The following NOC3L variants were observed in gnomAD, a reference collection of about 807,000 sequenced individuals.
NOC3L encodes nucleolar complex protein 3 homolog.
In NOC3L, 85 loss-of-function variants were observed where a neutral mutation model predicts 102.5. The observed-to-expected ratio is 0.83, with a 90% CI of 0.70 to 0.99. The LOEUF (loss-of-function observed/expected upper bound fraction) is 0.99. Among genes scored for constraint, NOC3L ranks in the 50% least tolerant of loss-of-function variants. NOC3L has a pLI of 0.00. For synonymous variants in NOC3L, 303 were observed against 309.4 expected (o/e 0.98, Z 0.22); for missense variants, 878 against 914.9 (o/e 0.96, Z 0.52).
At chr10:94,332,897 T>C (rs1589561312), downstream of NOC3L, 1 of 152,226 alleles carries the variant, frequency 6.6e-6, no homozygotes, top group East Asian at 1.9e-4. Context: ...TCCTGGACTT[T>C]GTTTTATACC....
rs1343891975 is a variant in NOC3L, at chr10:94,339,868, T to C, written c.1833A>G (p.Leu611=). ...EIVLQCLDVM[L]TKRRKQVSQQ... Reference sequence around the variant, plus strand: ...GAGAAACTTGCTTTCTGCGCTTAGTTAGCATGACATCAAGGCACTGGAGTA... The same window carrying C: ...GAGAAACTTGCTTTCTGCGCTTAGTCAGCATGACATCAAGGCACTGGAGTA... Residue 611 remains leucine, a synonymous_variant, in exon 17 of 21, where the codon CTA becomes CTG. Transcript: ENST00000371361. 6.2e-7 allele frequency: 1 copy of C among 1,614,098 alleles called. No individual in the cohort carries two copies. Among genetic ancestry groups the C allele is most frequent in the Non-Finnish European group, 8.5e-7 (1 of 1,180,040 alleles).
intron 17 of NOC3L, 36 bp downstream of exon 17, chr10:94,339,703 A>C (rs775305271): frequency 6.6e-7 from 1 of 1,522,104 alleles, no homozygotes; most frequent in Admixed American, 2.0e-5. Flanking sequence ...ATTGCATTAT[A>C]AGAACTTAGC....
intron 14 of NOC3L, 44 bp from the exon 15 acceptor site, chr10:94,340,540 A>AAT (rs2054270894): frequency 6.8e-7 from 1 of 1,468,744 alleles, no homozygotes; most frequent in East Asian, 2.3e-5. Flanking sequence ...GAATATTAAG[A>AAT]ATGGTAATTG....
chr10:94,324,661 A>G, the NOC3L span: 3 of 1,139,858 alleles, frequency 2.6e-6, no homozygotes, highest in Non-Finnish European at 4.0e-6. Flanking sequence ...ATTTAGGAGA[A>G]AGTTCCTGAG....
intron 17 of NOC3L, 43 bp from the exon 18 acceptor site, chr10:94,338,779 G>A (rs1026499489): frequency 1.3e-6 from 2 of 1,570,972 alleles, no homozygotes; most frequent in Admixed American, 1.7e-5. Context: ...AATTAACATT[G>A]TTAATATAAG....
At position 94,361,848 on chromosome 10, in the gene NOC3L, T is replaced by G. The variant is rs777752753; in HGVS notation, c.34A>C (p.Ser12Arg). 6.2e-7 allele frequency: 1 copy of G among 1,611,810 alleles called. No homozygotes were observed. The highest frequency in any genetic ancestry group is 8.5e-7 in the Non-Finnish European group (1 of 1,178,998). The part of the protein sequence containing the change: ...KARRNKKQIP[S>R]FRKLIKTSKV... ...CTAGTTTTTATTAACTTGCGAAAGCTTGGGATCTGTTTTTTATTTCTTCTC... is the reference window on the plus strand; with the variant it reads ...CTAGTTTTTATTAACTTGCGAAAGCGTGGGATCTGTTTTTTATTTCTTCTC... Residue 12 changes from serine to arginine, a missense_variant, in exon 2 of 21, where the codon AGC becomes CGC. Physicochemically the swap from Ser to Arg is moderately radical, Grantham distance 110 (BLOSUM62 -1). Coordinates refer to ENST00000371361, the MANE Select transcript of NOC3L (RefSeq NM_022451.11).
chr10:94,352,509 A>C, intron 7 of NOC3L, 106 bp from the exon 8 acceptor site: 1 of 602,102 alleles, frequency 1.7e-6, no homozygotes, highest in Non-Finnish European at 2.8e-6. Flanking sequence ...TATTTAAAAA[A>C]ACAAAAAACA....
downstream of NOC3L, chr10:94,329,786 A>AAAC: frequency 1.7e-5 from 2 of 118,072 alleles, no homozygotes; most frequent in African/African-American, 6.5e-5. Flanking sequence ...CAAAAAAAAA[A>AAAC]AAAAAAAAAA....
intron 5 of NOC3L, among the ~76,000 whole-genome samples, chr10:94,355,800 T>G (rs2134008916): frequency 6.6e-6 from 1 of 152,258 alleles, no homozygotes; most frequent in South Asian, 2.1e-4. Flanking sequence ...TTCTCCTTTG[T>G]TTTTAACACT....
chr10:94,321,687 T>A, the NOC3L span, among the ~76,000 whole-genome samples: 1 of 151,106 alleles, frequency 6.6e-6, no homozygotes, highest in Non-Finnish European at 1.5e-5. Context: ...TTGTTATGGA[T>A]CTATCAACAT....
intron 6 of NOC3L, among the ~76,000 whole-genome samples, chr10:94,353,351 T>C (rs1334545197): frequency 6.6e-6 from 1 of 152,206 alleles, no homozygotes. Context: ...TAGAGGAAGC[T>C]CGGTGCCTGC....
rs1238401554 is a variant in NOC3L, at chr10:94,361,817, A to G, written c.65T>C (p.Val22Ala). The change falls in exon 2 of 21, where the codon GTC becomes GCC. Residue 22 changes from valine (V) to alanine (A), a missense_variant. By Grantham distance (64) the Val-to-Ala change is moderately conservative. Coordinates refer to ENST00000371361, the MANE Select transcript of NOC3L (RefSeq NM_022451.11). ...SFRKLIKTSK[V>A]KLENKLKNKQ... is the part of the protein sequence containing the mutation. The stretch of plus-strand genomic sequence containing the variant: ...ATTTTTTAGCTTGTTTTCAAGTTTG[A>G]CTTTACTAGTTTTTATTAACTTGCG... The G allele has an allele frequency of 6.2e-7, 1 of 1,613,666 alleles. No individual in the cohort carries two copies. The highest frequency in any genetic ancestry group is 1.1e-5 in the South Asian group (1 of 91,026).
intron 1 of NOC3L, 130 bp downstream of exon 1, chr10:94,362,700 G>A: frequency 1.1e-6 from 1 of 945,892 alleles, no homozygotes; most frequent in Non-Finnish European, 1.7e-6. Context: ...TGTAAGGAAT[G>A]GAAAGCCCCC....
chr10:94,362,629 G>C (rs1188118379), intron 1 of NOC3L, among the ~76,000 whole-genome samples: 1 of 152,146 alleles, frequency 6.6e-6, no homozygotes, highest in African/African-American at 2.4e-5. Flanking sequence ...CTCCGTGCCT[G>C]TCTCTTCGTG....
rs2054260481 is a variant in NOC3L, at chr10:94,339,774, T to C, written c.1927A>G (p.Ile643Val). 2 of 1,614,070 alleles carry C rather than the reference T, an allele frequency of 1.2e-6. No individual in the cohort carries two copies. The highest frequency in any genetic ancestry group is 1.7e-6 in the Non-Finnish European group (2 of 1,179,978). Residue 643 changes from isoleucine to valine, a missense_variant, in exon 17 of 21, where the codon ATT becomes GTT. Physicochemically the swap from Ile to Val is conservative, Grantham distance 29 (BLOSUM62 3). Coordinates refer to ENST00000371361, the MANE Select transcript of NOC3L (RefSeq NM_022451.11). ...LALHVLPNSS[I>V]GILATTRILM... ...ATTCTGGTAGTTGCTAAAATGCCAA[T>C]ACTTGAATTTGGAAGAACATGAAGA... is the stretch of plus-strand genomic sequence containing the variant.
Position 94,350,143 on chromosome 10 carries a change from A to G in NOC3L, c.1098T>C (p.Ile366=). ...TTGACATGTCATTCATGAGAGGGAC[A>G]ATCAATACGATGATGTTGTTGTGAA... is the stretch of plus-strand genomic sequence containing the variant. ...FNFHNNIIVL[I]VPLMNDMSKL... is the part of the protein sequence containing the mutation. Residue 366 remains isoleucine (I), a synonymous_variant, in exon 9 of 21, where the codon ATT becomes ATC. Transcript: ENST00000371361. 1 of 1,614,202 alleles carries G rather than the reference A, an allele frequency of 6.2e-7. No individual in the cohort carries two copies. The highest frequency in any genetic ancestry group is 8.5e-7 in the Non-Finnish European group (1 of 1,180,036).
At chr10:94,351,578 A>G (rs1376031336) in intron 8 of NOC3L, among the ~76,000 whole-genome samples, 4 of 152,194 alleles carry the variant, frequency 2.6e-5, no homozygotes, top group Non-Finnish European at 5.9e-5. Context: ...CCCAGACTAC[A>G]GTGCAGTGGC....
intron 2 of NOC3L, among the ~76,000 whole-genome samples, chr10:94,358,856 A>C (rs1478299924): frequency 6.6e-6 from 1 of 152,126 alleles, no homozygotes; most frequent in Non-Finnish European, 1.5e-5. Context: ...CAAGATTATC[A>C]CTTCAACCAC....
rs765355529 is a variant in NOC3L at position 94,337,799 on chromosome 10, G to A, written c.2167C>T (p.Leu723Phe). 1.2e-6 allele frequency: 2 copies of A among 1,613,434 alleles called. No homozygotes were observed. Among genetic ancestry groups the A allele is most frequent in the Non-Finnish European group, 8.5e-7 (1 of 1,179,426 alleles). Residue 723 changes from leucine (L) to phenylalanine (F), a missense_variant, in exon 19 of 21, where the codon CTC becomes TTC. Coordinates refer to ENST00000371361, the MANE Select transcript of NOC3L (RefSeq NM_022451.11). ...TACCTTCGACTCAACTCTGGTTTGA[G>A]TGCTCCAGAGCCTTCAGAAGGTGCT... is the stretch of plus-strand genomic sequence containing the variant. Reference protein sequence around the residue: ...AGAPSEGSGALKPELSRRSAT... With the variant: ...AGAPSEGSGAFKPELSRRSAT...
Sources: gnomAD v4.1 joint callset for allele counts (sites outside exome capture counted in the v4.1 genomes callset) on GRCh38, gnomAD v4.1.1 for gene constraint, MANE v1.5 for transcripts, NCBI Gene and HGNC (gene_info 2026-07-23, HGNC 2026-07-21) for gene names.